ZMYND12: variants seen among roughly 807,000 people sequenced by gnomAD.
ZMYND12 encodes the protein zinc finger MYND-type containing 12, also known as zinc finger MYND domain-containing protein 12.
Under a neutral mutation model 41.7 loss-of-function variants are expected in ZMYND12, and 32 were observed. That is an observed-to-expected ratio of 0.77 (90% CI 0.58 to 1.03). ZMYND12 has a LOEUF of 1.03. Ranked by LOEUF, ZMYND12 falls within the 50% of genes least tolerant of loss-of-function variation. The pLI, the probability that ZMYND12 is intolerant of heterozygous loss-of-function variation, is 0.00. For missense variants in ZMYND12, 424 were observed against 438.5 expected (o/e 0.97, Z 0.30); for synonymous variants, 148 against 164.8 (o/e 0.90, Z 0.78).
At chr1:42,450,203 T>C in intron 1 of ZMYND12, 144 bp from the exon 2 acceptor site, 1 of 835,044 alleles carries the variant, frequency 1.2e-6, no homozygotes, top group East Asian at 2.5e-5. Context: ...TTTCTGAGAC[T>C]CAAATCTCTT....
chr1:42,445,050 C>T (rs1027795945), intron 3 of ZMYND12, among the ~76,000 whole-genome samples: 6 of 151,414 alleles, frequency 4.0e-5, no homozygotes, highest in East Asian at 4.0e-4. Context: ...CCTCGTGATC[C>T]GCCCACCTCA....
intron 7 of ZMYND12, among the ~76,000 whole-genome samples, chr1:42,432,060 C>CTTTTTT (rs111394001): frequency 3.8e-5 from 5 of 132,968 alleles, no homozygotes; most frequent in Admixed American, 7.7e-5. Flanking sequence ...TTTTCTTTTT[C>CTTTTTT]TTTTTTTTTT....
At chr1:42,455,851 G>T in intron 1 of ZMYND12, 37 bp downstream of exon 1, 1 of 1,494,694 alleles carries the variant, frequency 6.7e-7, no homozygotes, top group Non-Finnish European at 9.2e-7. Flanking sequence ...GAGAGGGAGG[G>T]AGTTATAGCG....
intron 4 of ZMYND12, among the ~76,000 whole-genome samples, chr1:42,438,760 T>C (rs1237547509): frequency 6.6e-6 from 1 of 152,142 alleles, no homozygotes; most frequent in Non-Finnish European, 1.5e-5. Context: ...TTACGGGCAT[T>C]GTACAGGCGG....
Position 42,439,946 on chromosome 1 carries a change from A to T in ZMYND12, c.504T>A (p.Asn168Lys), listed in dbSNP as rs767616368. The change falls in exon 4 of 8, where the codon AAT becomes AAA. Residue 168 changes from asparagine (N) to lysine (K), a missense_variant. Transcript: ENST00000372565. ...WTVLKSTDCS[N>K]ATHSLLHRNL... The stretch of plus-strand genomic sequence containing the variant: ...TCCGATGCAGTAAAGAGTGGGTGGC[A>T]TTACTACAGTCAGTTGATTTGAGGA... 6.2e-7 allele frequency: 1 copy of T among 1,614,018 alleles called. No homozygotes were observed. The highest frequency in any genetic ancestry group is 8.5e-7 in the Non-Finnish European group (1 of 1,180,022).
At chr1:42,438,627 A>T (rs1642931885) in intron 4 of ZMYND12, among the ~76,000 whole-genome samples, 1 of 152,202 alleles carries the variant, frequency 6.6e-6, no homozygotes, top group East Asian at 1.9e-4. Context: ...AACCAAGGCC[A>T]GAGAGCAATG....
intron 3 of ZMYND12, among the ~76,000 whole-genome samples, chr1:42,443,217 C>T (rs117287217): frequency 1.3e-3 from 203 of 152,192 alleles, no homozygotes; most frequent in South Asian, 5.2e-3. Context: ...AGAGAGAGTA[C>T]GGTGAGAAGA....
At chr1:42,440,142 A>AG in intron 3 of ZMYND12, 117 bp from the exon 4 acceptor site, 20 of 1,124,060 alleles carry the variant, frequency 1.8e-5, no homozygotes, top group Non-Finnish European at 2.4e-5. Flanking sequence ...TTATTGACAC[A>AG]GAAAAACTCA....
chr1:42,454,952 A>C (rs1643137600), intron 1 of ZMYND12, among the ~76,000 whole-genome samples: 1 of 152,228 alleles, frequency 6.6e-6, no homozygotes, highest in South Asian at 2.1e-4. Context: ...CAAAAGTTTT[A>C]AGAAACAATT....
chr1:42,443,276 C>A (rs1368763038), intron 3 of ZMYND12, among the ~76,000 whole-genome samples: 1 of 152,164 alleles, frequency 6.6e-6, no homozygotes, highest in African/African-American at 2.4e-5. Context: ...AAGCTTGTGA[C>A]CAGTGAGTGC....
chr1:42,436,593 A>G (rs1459300412), intron 4 of ZMYND12, 50 bp from the exon 5 acceptor site: 3 of 1,600,258 alleles, frequency 1.9e-6, no homozygotes, highest in Admixed American at 1.7e-5. Flanking sequence ...TGCAAATCAT[A>G]TATCTGATAA....
chr1:42,439,452 G>T (rs981237748), intron 4 of ZMYND12, among the ~76,000 whole-genome samples: 4 of 152,134 alleles, frequency 2.6e-5, no homozygotes, highest in Non-Finnish European at 5.9e-5. Flanking sequence ...TTTTAGTAGG[G>T]ACGGGGTTTC....
intron 3 of ZMYND12, among the ~76,000 whole-genome samples, chr1:42,446,174 G>A (rs769741610): frequency 8.5e-5 from 13 of 152,124 alleles, no homozygotes; most frequent in Admixed American, 2.0e-4. Context: ...TGGAAAGGAC[G>A]GAGTTAGAGA....
At position 42,430,511 on chromosome 1, in the gene ZMYND12, T is replaced by C; in HGVS notation, c.*225A>G. On this transcript the variant is annotated 3_prime_UTR_variant, in exon 8 of 8. Coordinates refer to ENST00000372565, the MANE Select transcript of ZMYND12 (RefSeq NM_032257.5). Reference sequence around the variant, plus strand: ...TCATACAAAGTCATGATAAATCAAGTACAAAGGTCATGACAAACACAGTTT... The same window carrying C: ...TCATACAAAGTCATGATAAATCAAGCACAAAGGTCATGACAAACACAGTTT... 4.1e-6 allele frequency: 2 copies of C among 488,390 alleles called. No homozygotes were observed. Among genetic ancestry groups the C allele is most frequent in the Non-Finnish European group, 7.3e-6 (2 of 274,008 alleles). 30.3% of individuals were successfully genotyped at this position (488,390 alleles called of 1,614,324 possible).
intron 3 of ZMYND12, among the ~76,000 whole-genome samples, chr1:42,440,322 T>A (rs751687107): frequency 2.6e-5 from 4 of 152,208 alleles, no homozygotes; most frequent in Non-Finnish European, 4.4e-5. Flanking sequence ...AGGAATGAAG[T>A]AGTGCTACCT....
intron 3 of ZMYND12, among the ~76,000 whole-genome samples, chr1:42,442,485 T>C (rs1642981277): frequency 6.6e-6 from 1 of 152,200 alleles, no homozygotes; most frequent in Non-Finnish European, 1.5e-5. Flanking sequence ...GTGTATTACA[T>C]ATCATCTTTA....
At chr1:42,445,304 G>A (rs1273298011) in intron 3 of ZMYND12, among the ~76,000 whole-genome samples, 6 of 151,510 alleles carry the variant, frequency 4.0e-5, no homozygotes, top group African/African-American at 9.7e-5. Context: ...GTGGTGGTGC[G>A]TGCCTGTAGT....
intron 4 of ZMYND12, 52 bp downstream of exon 4, chr1:42,439,804 G>A: frequency 2.0e-6 from 3 of 1,511,516 alleles, no homozygotes; most frequent in Non-Finnish European, 2.7e-6. Context: ...ATATACAGGT[G>A]TTATAATTTA....
chr1:42,449,931 A>G lies in ZMYND12; in HGVS notation c.239T>C (p.Leu80Pro). The change falls in exon 2 of 8, where the codon CTG becomes CCG. Residue 80 changes from leucine to proline, a missense_variant. Physicochemically the swap from Leu to Pro is moderately conservative, Grantham distance 98. Transcript: ENST00000372565. Reference protein sequence around the residue: ...EEERQHGLQQLQQRQKYLIEF... With the variant: ...EEERQHGLQQPQQRQKYLIEF... The stretch of plus-strand genomic sequence containing the variant: ...CGTAGGCCCTACCTGCCGCTGCTGC[A>G]GCTGCTGCAGGCCATGCTGCCGTTC... 6.2e-7 allele frequency: 1 copy of G among 1,612,246 alleles called. No homozygotes were observed. The highest frequency in any genetic ancestry group is 1.1e-5 in the South Asian group (1 of 91,088).
Sources: gnomAD v4.1 joint callset for allele counts (sites outside exome capture counted in the v4.1 genomes callset) on GRCh38, gnomAD v4.1.1 for gene constraint, MANE v1.5 for transcripts, NCBI Gene and HGNC (gene_info 2026-07-23, HGNC 2026-07-21) for gene names.